WWOX: variants seen among roughly 807,000 people sequenced by gnomAD.
The protein encoded by WWOX is WW domain-containing oxidoreductase.
Under a neutral mutation model 46.2 loss-of-function variants are expected in WWOX, and 69 were observed. The observed-to-expected ratio is 1.49, with a 90% CI of 1.23 to 1.82. The LOEUF is 1.82. Ranked by LOEUF, WWOX falls within the 40% of genes most tolerant of loss-of-function variation. The pLI is 0.00. For synonymous variants in WWOX, 359 were observed against 202.6 expected, an observed-to-expected ratio of 1.77 and a Z score of -6.56; for missense variants, 919 against 542.6, an observed-to-expected ratio of 1.69 and a Z score of -6.89.
At chr16:79,094,128 C>T (rs1455167974) in intron 8 of WWOX, among the ~76,000 whole-genome samples, 1 of 152,202 alleles carries the variant, frequency 6.6e-6, no homozygotes, top group African/African-American at 2.4e-5. Context: ...TGCAGAAATA[C>T]AATTCCTCAT....
At chr16:78,466,583 A>C (rs962206084) in intron 8 of WWOX, among the ~76,000 whole-genome samples, 2 of 152,100 alleles carry the variant, frequency 1.3e-5, no homozygotes, top group Non-Finnish European at 2.9e-5. Flanking sequence ...TAATCCCAGC[A>C]CTTTGGGAGG....
intron 8 of WWOX, among the ~76,000 whole-genome samples, chr16:78,562,874 G>A (rs2044472389): frequency 6.6e-6 from 1 of 152,158 alleles, no homozygotes; most frequent in Non-Finnish European, 1.5e-5. Context: ...CGACGTCGGA[G>A]CTCCACGATG....
At chr16:78,721,677 C>T (rs2048694545) in intron 8 of WWOX, among the ~76,000 whole-genome samples, 1 of 152,214 alleles carries the variant, frequency 6.6e-6, no homozygotes, top group South Asian at 2.1e-4. Flanking sequence ...AATAAATTGA[C>T]CTGCCTGAGC....
intron 5 of WWOX, among the ~76,000 whole-genome samples, chr16:78,201,436 C>G (rs1941862675): frequency 6.6e-6 from 1 of 152,118 alleles, no homozygotes; most frequent in African/African-American, 2.4e-5. Flanking sequence ...ATGTTGATAA[C>G]TAAGACCTGA....
chr16:78,770,265 C>T (rs1457731410), intron 8 of WWOX, among the ~76,000 whole-genome samples: 1 of 152,066 alleles, frequency 6.6e-6, no homozygotes, highest in Non-Finnish European at 1.5e-5. Flanking sequence ...GCAGGAGAAT[C>T]ACTTGAATCC....
At position 79,211,630 on chromosome 16, in the gene WWOX, T is replaced by C; in HGVS notation, c.1079T>C (p.Val360Ala). The C allele has an allele frequency of 6.2e-7, 1 of 1,614,206 alleles. No homozygotes were observed. Among genetic ancestry groups the C allele is most frequent in the Non-Finnish European group, 8.5e-7 (1 of 1,180,032 alleles). The stretch of plus-strand genomic sequence containing the variant: ...CAGCAACAGGGAGCTGCCACCACCG[T>C]GTACTGTGCTGCTGTCCCAGAACTG... ...KSMQQGAATT[V>A]YCAAVPELEG... The change falls in exon 9 of 9, where the codon GTG (valine) becomes GCG (alanine). Residue 360 changes from valine to alanine, a missense_variant. By Grantham distance (64) the Val-to-Ala change is moderately conservative (BLOSUM62 0). Transcript: ENST00000566780.
At chr16:78,165,244 T>A (rs952295330) in intron 5 of WWOX, among the ~76,000 whole-genome samples, 1 of 152,240 alleles carries the variant, frequency 6.6e-6, no homozygotes, top group Non-Finnish European at 1.5e-5. Context: ...AAGTCCAGAC[T>A]GCATTCATTC....
chr16:78,511,674 G>A (rs1298727800), intron 8 of WWOX, among the ~76,000 whole-genome samples: 1 of 152,132 alleles, frequency 6.6e-6, no homozygotes, highest in East Asian at 1.9e-4. Flanking sequence ...AATATCTGTA[G>A]TACCCCCCGC....
chr16:79,044,971 A>T (rs8062889), intron 8 of WWOX, among the ~76,000 whole-genome samples: 2 of 152,206 alleles, frequency 1.3e-5, no homozygotes, highest in African/African-American at 4.8e-5. Flanking sequence ...AAAGATTTAC[A>T]TACATAATAA....
At chr16:78,101,577 C>G (rs2031793860) in intron 1 of WWOX, among the ~76,000 whole-genome samples, 1 of 151,978 alleles carries the variant, frequency 6.6e-6, no homozygotes. Flanking sequence ...CACCTCGGCC[C>G]CCCAAAGTGT....
chr16:79,197,152 T>A (rs2051256801), intron 8 of WWOX, among the ~76,000 whole-genome samples: 1 of 152,196 alleles, frequency 6.6e-6, no homozygotes, highest in Non-Finnish European at 1.5e-5. Flanking sequence ...TTCACAAGTC[T>A]GTACCATTCT....
intron 8 of WWOX, among the ~76,000 whole-genome samples, chr16:78,720,071 T>C (rs2048654938): frequency 6.6e-6 from 1 of 152,220 alleles, no homozygotes. Context: ...ACGATTTCAA[T>C]TTAATCGTAT....
chr16:79,163,861 A>G (rs999053513), intron 8 of WWOX, among the ~76,000 whole-genome samples: 35 of 147,654 alleles, frequency 2.4e-4, no homozygotes, highest in Middle Eastern at 3.5e-3. Flanking sequence ...AGAAAGTGAA[A>G]GCAACAGTAA....
intron 6 of WWOX, among the ~76,000 whole-genome samples, chr16:78,395,830 C>G (rs571803022): frequency 6.6e-6 from 1 of 151,878 alleles, no homozygotes; most frequent in African/African-American, 2.4e-5. Flanking sequence ...AGCCATGGAC[C>G]CAAGGATGCT....
chr16:79,029,548 G>C (rs958452990), intron 8 of WWOX, among the ~76,000 whole-genome samples: 1 of 152,110 alleles, frequency 6.6e-6, no homozygotes, highest in African/African-American at 2.4e-5. Context: ...CTTTAAGTTA[G>C]GGTAAAATGA....
At chr16:78,450,145 A>T (rs547858109) in intron 8 of WWOX, among the ~76,000 whole-genome samples, 1 of 152,184 alleles carries the variant, frequency 6.6e-6, no homozygotes, top group Non-Finnish European at 1.5e-5. Context: ...ATGTATAATA[A>T]AGTATCTAAT....
At chr16:78,663,340 C>G (rs774145968) in intron 8 of WWOX, among the ~76,000 whole-genome samples, 21 of 152,128 alleles carry the variant, frequency 1.4e-4, no homozygotes, top group Non-Finnish European at 2.5e-4. Flanking sequence ...CACTTTTGAA[C>G]CAATCTAACT....
intron 8 of WWOX, among the ~76,000 whole-genome samples, chr16:78,470,700 G>A (rs1411164750): frequency 1.3e-5 from 2 of 152,106 alleles, no homozygotes; most frequent in Non-Finnish European, 2.9e-5. Context: ...GCTAATTTTT[G>A]TATTTTTAGT....
At chr16:78,864,247 T>A (rs1016983098) in intron 8 of WWOX, among the ~76,000 whole-genome samples, 1 of 151,864 alleles carries the variant, frequency 6.6e-6, no homozygotes, top group African/African-American at 2.4e-5. Context: ...TAATACAGAA[T>A]GGAGCCCTTT....
Sources: gnomAD v4.1 joint callset for allele counts (sites outside exome capture counted in the v4.1 genomes callset) on GRCh38, gnomAD v4.1.1 for gene constraint, MANE v1.5 for transcripts, NCBI Gene and HGNC (gene_info 2026-07-23, HGNC 2026-07-21) for gene names.